Variants in SMCHD1 observed in about 807,000 individuals in gnomAD.
The protein encoded by SMCHD1 is structural maintenance of chromosomes flexible hinge domain containing 1, also known as structural maintenance of chromosomes flexible hinge domain-containing protein 1.
A neutral mutation model predicts 254.7 loss-of-function variants in SMCHD1; 78 were observed. That is an observed-to-expected ratio of 0.31 (90% confidence interval 0.26 to 0.37). The LOEUF (loss-of-function observed/expected upper bound fraction) is 0.37, where lower values mean the gene tolerates loss of function less well. Ranked by LOEUF, SMCHD1 falls within the 10% of genes least tolerant of loss-of-function variation. The probability of loss-of-function intolerance (pLI) is 1.00; values close to 1 mark genes in which losing one functional copy is unlikely to be tolerated. For missense variants in SMCHD1, 1,840 were observed against 2,408.1 expected, an observed-to-expected ratio of 0.76 and a Z score of 4.94; for synonymous variants, 766 against 794.9, an observed-to-expected ratio of 0.96 and a Z score of 0.61.
rs1394625122 is a variant in SMCHD1, at chr18:2,803,204, A to G, written c.*652A>G. On this transcript the variant is annotated 3_prime_UTR_variant, in exon 48 of 48. Coordinates refer to ENST00000320876, the MANE Select transcript of SMCHD1 (RefSeq NM_015295.3). ...CCTGTGTGTGTGTGTGTGTGTATAT[A>G]TATATATATATATAAATATATATAT... 6.9e-6 allele frequency: 1 copy of G among 145,952 alleles called. No individual in the cohort carries two copies. The allele number at this position is 145,952 out of a possible 1,614,324, so 9.0% of individuals were successfully genotyped here.
Position 2,707,560 on chromosome 18 carries a change from C to A in SMCHD1, c.2064-3C>A. On this transcript the variant is annotated splice_polypyrimidine_tract_variant and splice_region_variant and intron_variant, in intron 15 of 47. Coordinates refer to ENST00000320876, the MANE Select transcript of SMCHD1 (RefSeq NM_015295.3). ...GAACATTAATATGCTGGTTTCATAA[C>A]AGGCTCCCTGATAGATTGTCAGTAA... 6.3e-7 allele frequency: 1 copy of A among 1,585,164 alleles called. No homozygotes were observed. The highest frequency in any genetic ancestry group is 8.6e-7 in the Non-Finnish European group (1 of 1,163,864).
At chr18:2,771,773 T>C (rs1259407041) in intron 40 of SMCHD1, among the ~76,000 whole-genome samples, 155 bp downstream of exon 40, 4 of 152,170 alleles carry the variant, frequency 2.6e-5, no homozygotes, top group African/African-American at 9.6e-5. Context: ...ACTAACAAAA[T>C]GATAGAGTGC....
Position 2,655,857 on chromosome 18 carries a change from G to A in SMCHD1, c.-219G>A, listed in dbSNP as rs2073035621. On this transcript the variant is annotated 5_prime_UTR_variant, in exon 1 of 48. It adds an upstream start codon to the 5' untranslated region. Transcript: ENST00000320876. ...TCCTCAGGAGTGGCGGGCCGCGGAA[G>A]TGACGTGGTGCACGGGCAGGAGCGC... is the stretch of plus-strand genomic sequence containing the variant. The A allele has an allele frequency of 5.5e-6, 2 of 360,670 alleles. No homozygotes were observed. Among genetic ancestry groups the A allele is most frequent in the African/African-American group, 4.2e-5 (2 of 47,188 alleles). 22.3% of individuals were successfully genotyped at this position (360,670 alleles called of 1,614,324 possible).
chr18:2,757,873 C>G (rs1443259417), intron 34 of SMCHD1, among the ~76,000 whole-genome samples: 3 of 151,946 alleles, frequency 2.0e-5, no homozygotes, highest in Non-Finnish European at 4.4e-5. Context: ...TACATACAGA[C>G]TTAGATTATT....
chr18:2,695,037 C>T (rs75758014), intron 8 of SMCHD1, among the ~76,000 whole-genome samples: 1,587 of 114,622 alleles, frequency 0.014, 25 homozygotes, highest in African/African-American at 0.044. Context: ...TCGTAATCTT[C>T]CATACCATAT....
intron 7 of SMCHD1, among the ~76,000 whole-genome samples, chr18:2,691,346 C>A (rs984601480): frequency 6.6e-6 from 1 of 152,200 alleles, no homozygotes; most frequent in African/African-American, 2.4e-5. Flanking sequence ...TTCTTCCCAA[C>A]AAACATTTCT....
At chr18:2,708,910 C>T (rs377614992) in intron 17 of SMCHD1, among the ~76,000 whole-genome samples, 8,166 of 40,362 alleles carry the variant, frequency 0.2, 795 homozygotes, top group South Asian at 0.28. Context: ...ATATATATAA[C>T]ATATTAACAT....
chr18:2,697,339 T>C, intron 9 of SMCHD1: 2 of 370,450 alleles, frequency 5.4e-6, no homozygotes, highest in Non-Finnish European at 9.9e-6. Flanking sequence ...TTATCTTTTT[T>C]TGTCTCTCTT....
At chr18:2,782,447 AG>A (rs2076170588) in intron 44 of SMCHD1, among the ~76,000 whole-genome samples, 1 of 152,192 alleles carries the variant, frequency 6.6e-6, no homozygotes, top group South Asian at 2.1e-4. Flanking sequence ...TATTTATTTA[AG>A]ATCATATTAG....
intron 3 of SMCHD1, among the ~76,000 whole-genome samples, chr18:2,669,386 A>G (rs1008982381): frequency 1.3e-5 from 2 of 152,142 alleles, no homozygotes; most frequent in Non-Finnish European, 2.9e-5. Flanking sequence ...CTTTGTAGAG[A>G]TGGAGTCTCA....
rs1442744874 is a variant in SMCHD1, at chr18:2,804,173, A to G, written c.*1621A>G. The G allele has an allele frequency of 6.6e-6, 1 of 152,222 alleles. No individual in the cohort carries two copies. The highest frequency in any genetic ancestry group is 2.4e-5 in the African/African-American group (1 of 41,460). The allele number at this position is 152,222 out of a possible 1,614,324, so 9.4% of individuals were successfully genotyped here. A position where few individuals can be genotyped will look rare whatever the true frequency, so the allele number is the denominator to read the frequency against. The stretch of plus-strand genomic sequence containing the variant: ...ACTTGAACGTATAATTAATATGTGG[A>G]ACTAGTTTGCTTTTATAATTCATTG... On this transcript the variant is annotated 3_prime_UTR_variant, in exon 48 of 48. Transcript: ENST00000320876.
intron 5 of SMCHD1, among the ~76,000 whole-genome samples, chr18:2,688,165 C>T (rs1561820): frequency 5.3e-5 from 8 of 152,010 alleles, no homozygotes; most frequent in East Asian, 3.9e-4. Flanking sequence ...GGATTGAGCC[C>T]AAGAGTTTGC....
At chr18:2,719,277 C>G (rs1414548243) in intron 19 of SMCHD1, among the ~76,000 whole-genome samples, 2 of 149,228 alleles carry the variant, frequency 1.3e-5, no homozygotes, top group Non-Finnish European at 3.0e-5. Flanking sequence ...CTCCTCTCTC[C>G]CCTCTCCCCT....
intron 45 of SMCHD1, 193 bp downstream of exon 45, chr18:2,784,814 T>G (rs924334546): frequency 1.7e-5 from 11 of 643,266 alleles, no homozygotes; most frequent in Non-Finnish European, 3.1e-5. Flanking sequence ...AATAGTAGCT[T>G]TATCCTTTGT....
intron 44 of SMCHD1, among the ~76,000 whole-genome samples, chr18:2,782,070 A>G (rs776629672): frequency 2.0e-5 from 3 of 152,242 alleles, no homozygotes; most frequent in Non-Finnish European, 4.4e-5. Context: ...ATAATAGCAC[A>G]TATTGATTTC....
At chr18:2,701,162 T>TAG in intron 12 of SMCHD1, 1 of 259,378 alleles carries the variant, frequency 3.9e-6, no homozygotes, top group Non-Finnish European at 7.0e-6. Context: ...TTAGTTTTTT[T>TAG]TGTTTTTTTT....
intron 39 of SMCHD1, among the ~76,000 whole-genome samples, chr18:2,770,633 TG>T (rs1287007103): frequency 1.3e-5 from 2 of 152,098 alleles, no homozygotes; most frequent in East Asian, 3.9e-4. Context: ...TTCTGTTTTT[TG>T]TTTTTTTTTG....
intron 27 of SMCHD1, among the ~76,000 whole-genome samples, chr18:2,740,076 C>T (rs1475490306): frequency 2.0e-5 from 3 of 151,996 alleles, no homozygotes; most frequent in Non-Finnish European, 2.9e-5. Flanking sequence ...AAATGCTGTC[C>T]CTCCCCTAGC....
chr18:2,748,380 G>GTATATA (rs200345949), intron 30 of SMCHD1, among the ~76,000 whole-genome samples: 12,103 of 80,194 alleles, frequency 0.15, 1,772 homozygotes, highest in Non-Finnish European at 0.17. Flanking sequence ...GTGTGTGTGT[G>GTATATA]TGTATATAAA....
Sources: allele counts gnomAD v4.1 joint callset (sites outside exome capture counted in the v4.1 genomes callset), GRCh38; gene constraint gnomAD v4.1.1; transcripts MANE v1.5; gene names NCBI Gene and HGNC (gene_info 2026-07-23, HGNC 2026-07-21).